CNBD1: variants seen among roughly 807,000 people sequenced by gnomAD.
CNBD1 encodes cyclic nucleotide-binding domain-containing protein 1.
A neutral mutation model predicts 54.4 loss-of-function variants in CNBD1; 71 were observed. The ratio of observed to expected loss-of-function variants is 1.30; its 90% confidence interval spans 1.08 to 1.59. The LOEUF is 1.59. CNBD1 is among the 40% of genes most tolerant of loss of function. The pLI is 0.00. For synonymous variants in CNBD1, 182 were observed against 170.7 expected (o/e 1.07, Z -0.51); for missense variants, 659 against 518.0 (o/e 1.27, Z -2.64).
chr8:87,279,284 A>T (rs115478006), intron 6 of CNBD1, among the ~76,000 whole-genome samples: 1 of 151,524 alleles, frequency 6.6e-6, no homozygotes, highest in African/African-American at 2.4e-5. Context: ...GAAAGAATAT[A>T]TAAGTTAAAA....
chr8:87,170,365 A>G (rs1437228119), intron 4 of CNBD1, among the ~76,000 whole-genome samples: 1 of 152,178 alleles, frequency 6.6e-6, no homozygotes, highest in Non-Finnish European at 1.5e-5. Flanking sequence ...ATCTGCAAAC[A>G]AAGATAATTT....
At chr8:87,170,601 T>G (rs1020875213) in intron 4 of CNBD1, among the ~76,000 whole-genome samples, 5 of 152,258 alleles carry the variant, frequency 3.3e-5, no homozygotes, top group Middle Eastern at 3.4e-3. Flanking sequence ...ATACGTGGCT[T>G]TCATTATGTT....
chr8:87,408,393 A>G (rs4130029), intron 2 of CNBD1, among the ~76,000 whole-genome samples: 32,220 of 150,880 alleles, frequency 0.21, 4,144 homozygotes, highest in African/African-American at 0.37. Context: ...AGATACATAT[A>G]TGTGTGTGTG....
Position 87,206,111 on chromosome 8 carries a change from T to C in CNBD1, c.550T>C (p.Ser184Pro). 6.3e-7 allele frequency: 1 copy of C among 1,589,372 alleles called. No homozygotes were observed. Among genetic ancestry groups the C allele is most frequent in the African/African-American group, 1.4e-5 (1 of 73,396 alleles). ...HLKTLSKTVFSETWLKGSTVV... is the reference protein window; with the variant it reads ...HLKTLSKTVFPETWLKGSTVV... The stretch of plus-strand genomic sequence containing the variant: ...GAAAACACTTAGTAAGACTGTCTTT[T>C]CCGAAACCTGGTTGAAAGGCAGCAC... The change falls in exon 5 of 11, where the codon TCC becomes CCC. Residue 184 changes from serine (S) to proline (P), a missense_variant. Physicochemically the swap from Ser to Pro is moderately conservative, Grantham distance 74. Transcript: ENST00000518476.
intron 4 of CNBD1, among the ~76,000 whole-genome samples, chr8:86,946,426 C>G (rs1287881434): frequency 6.6e-6 from 1 of 152,012 alleles, no homozygotes; most frequent in Non-Finnish European, 1.5e-5. Context: ...ATTGTTTAGA[C>G]ATAAGCAAAC....
intron 9 of CNBD1, among the ~76,000 whole-genome samples, chr8:87,352,905 T>A (rs78821501): frequency 0.019 from 2,840 of 152,268 alleles, 88 homozygotes; most frequent in African/African-American, 0.062. Flanking sequence ...TGACTCCAGG[T>A]TATTTAGTAA....
chr8:86,981,473 A>C (rs919858221), intron 4 of CNBD1, among the ~76,000 whole-genome samples: 1 of 152,200 alleles, frequency 6.6e-6, no homozygotes, highest in African/African-American at 2.4e-5. Flanking sequence ...TAATTTATAT[A>C]AAGTGAAATC....
chr8:87,355,921 G>A (rs1810410683), intron 10 of CNBD1, among the ~76,000 whole-genome samples: 3 of 152,036 alleles, frequency 2.0e-5, no homozygotes, highest in Non-Finnish European at 4.4e-5. Context: ...TCCTTCCTGG[G>A]TAATGAGTGA....
intron 2 of CNBD1, among the ~76,000 whole-genome samples, chr8:87,405,356 G>A (rs1807634843): frequency 6.6e-6 from 1 of 151,868 alleles, no homozygotes; most frequent in African/African-American, 2.4e-5. Context: ...GGCAAATAGT[G>A]GCATTATTAT....
chr8:87,241,089 A>C (rs146568948), intron 6 of CNBD1, among the ~76,000 whole-genome samples: 239 of 152,176 alleles, frequency 1.6e-3, no homozygotes, highest in African/African-American at 5.4e-3. Context: ...AGGACTCTAA[A>C]AATTGTCATG....
intron 4 of CNBD1, among the ~76,000 whole-genome samples, chr8:87,084,974 GTATT>G (rs1480026372): frequency 1.3e-5 from 2 of 152,034 alleles, no homozygotes; most frequent in African/African-American, 2.4e-5. Flanking sequence ...ACGCCCAGCC[GTATT>G]TAGTTTTCTT....
intron 4 of CNBD1, among the ~76,000 whole-genome samples, chr8:86,994,910 T>C (rs1378788606): frequency 6.6e-6 from 1 of 152,092 alleles, no homozygotes; most frequent in South Asian, 2.1e-4. Flanking sequence ...GAGTGGAGGA[T>C]ATAGGTTGTG....
intron 4 of CNBD1, among the ~76,000 whole-genome samples, chr8:87,030,029 G>C (rs73273683): frequency 0.03 from 4,601 of 152,208 alleles, 240 homozygotes; most frequent in African/African-American, 0.1. Flanking sequence ...TCTGTACTCT[G>C]TTCATTGAAT....
chr8:87,136,410 G>A (rs1812227877), intron 4 of CNBD1, among the ~76,000 whole-genome samples: 1 of 148,150 alleles, frequency 6.7e-6, no homozygotes, highest in Non-Finnish European at 1.5e-5. Flanking sequence ...AGATTTTTAT[G>A]GGAAATTTAT....
Position 87,296,605 on chromosome 8 carries a change from G to GCA in CNBD1, c.1042+9934_1042+9935insCA, listed in dbSNP as rs1554576894. On this transcript the variant is annotated intron_variant, in intron 8 of 10. Transcript: ENST00000518476. ...TCTATATATATGTCTATATAATTTG[G>GCA]TATATATATATACACATATATATAC... 7.4e-5 allele frequency among the ~76,000 whole-genome samples: 11 copies of GCA among 148,804 alleles called. No homozygotes were observed. In the East Asian group the frequency reaches 1.8e-3, roughly 24 times the overall value.
chr8:87,290,867 G>C (rs908049432), intron 8 of CNBD1, among the ~76,000 whole-genome samples: 1 of 152,112 alleles, frequency 6.6e-6, no homozygotes, highest in Admixed American at 6.6e-5. Context: ...AAGTGACAAG[G>C]CTTTTGCTTG....
At chr8:87,274,104 C>A (rs1363792010) in intron 6 of CNBD1, among the ~76,000 whole-genome samples, 1 of 152,048 alleles carries the variant, frequency 6.6e-6, no homozygotes, top group African/African-American at 2.4e-5. Flanking sequence ...ATGAGCTCAT[C>A]ATTTTTTATG....
intron 6 of CNBD1, among the ~76,000 whole-genome samples, chr8:87,262,375 A>G (rs1037177392): frequency 2.0e-5 from 3 of 152,110 alleles, no homozygotes; most frequent in Admixed American, 2.0e-4. Flanking sequence ...TGACTGAACT[A>G]AGAGATGCAG....
intron 2 of CNBD1, among the ~76,000 whole-genome samples, chr8:86,899,689 T>C (rs1281702577): frequency 6.6e-6 from 1 of 152,208 alleles, no homozygotes; most frequent in Non-Finnish European, 1.5e-5. Context: ...CTTGCGCTTA[T>C]GGCAGCTTGT....
Sources: allele counts gnomAD v4.1 joint callset (sites outside exome capture counted in the v4.1 genomes callset), GRCh38; gene constraint gnomAD v4.1.1; transcripts MANE v1.5; gene names NCBI Gene and HGNC (gene_info 2026-07-23, HGNC 2026-07-21).